GPM6B: variants seen among roughly 807,000 people sequenced by gnomAD.
The protein encoded by GPM6B is glycoprotein M6B.
GPM6B carries 4 observed loss-of-function variants against 27.2 expected under a neutral mutation model. The observed-to-expected ratio is 0.15, with a 90% confidence interval of 0.07 to 0.34. GPM6B has a LOEUF of 0.34. Among genes scored for constraint, GPM6B ranks in the 10% least tolerant of loss-of-function variants. The pLI is 1.00. For missense variants in GPM6B, 183 were observed against 261.9 expected (o/e 0.70, Z 2.08); for synonymous variants, 124 against 103.1 (o/e 1.20, Z -1.23).
At chrX:13,873,518 C>T (rs191958723) in intron 1 of GPM6B, among the ~76,000 whole-genome samples, 162 of 112,010 alleles carry the variant, frequency 1.4e-3, no homozygotes, top group African/African-American at 5.0e-3. Flanking sequence ...GGTGAATAGA[C>T]TAAATGTCAC....
chrX:13,895,774 T>C (rs1415581974), intron 1 of GPM6B, among the ~76,000 whole-genome samples: 2 of 110,676 alleles, frequency 1.8e-5, no homozygotes, highest in East Asian at 2.8e-4. Context: ...GAGATCTAGG[T>C]GTCTGGTTCT....
intron 3 of GPM6B, among the ~76,000 whole-genome samples, chrX:13,785,095 C>T (rs1210251575): frequency 9.0e-6 from 1 of 111,540 alleles, no homozygotes; most frequent in Non-Finnish European, 1.9e-5. Flanking sequence ...GTGCACCTTA[C>T]CATTCCCAAG....
chrX:13,909,418 G>A (rs1288321126), intron 1 of GPM6B, among the ~76,000 whole-genome samples: 3 of 111,004 alleles, frequency 2.7e-5, no homozygotes, highest in East Asian at 2.8e-4. Flanking sequence ...GTGAGCCACC[G>A]TGCTCAGCCA....
intron 1 of GPM6B, among the ~76,000 whole-genome samples, chrX:13,898,706 G>T (rs1470230925): frequency 1.6e-4 from 18 of 112,248 alleles, no homozygotes; most frequent in Non-Finnish European, 1.3e-4. Flanking sequence ...ATTTATGTTT[G>T]GTTTGATGTG....
chrX:13,812,044 CTTTCTTTTTTTTT>C (rs368348958), intron 1 of GPM6B, among the ~76,000 whole-genome samples: 1,457 of 82,639 alleles, frequency 0.018, 33 homozygotes, highest in African/African-American at 0.066. Context: ...CTTTTCTTTT[CTTTCTTTTTTTTT>C]TTTTTTTTTT....
At chrX:13,797,285 C>G (rs138579253) in intron 2 of GPM6B, among the ~76,000 whole-genome samples, 1,492 of 111,027 alleles carry the variant, frequency 0.013, 28 homozygotes, top group African/African-American at 0.045. Context: ...TAAGGTATCA[C>G]TAAAGTAGAA....
chrX:13,930,648 C>G (rs769239193), intron 1 of GPM6B, among the ~76,000 whole-genome samples: 3 of 111,185 alleles, frequency 2.7e-5, no homozygotes, highest in East Asian at 5.6e-4. Flanking sequence ...GGGAACATCA[C>G]TACAGATACT....
intron 1 of GPM6B, among the ~76,000 whole-genome samples, chrX:13,848,625 G>A (rs1569257362): frequency 8.9e-6 from 1 of 112,224 alleles, no homozygotes; most frequent in African/African-American, 3.2e-5. Flanking sequence ...GTGAGGATGT[G>A]GAAAACCAGG....
At chrX:13,894,339 G>GA (rs1202995655) in intron 1 of GPM6B, among the ~76,000 whole-genome samples, 1 of 111,612 alleles carries the variant, frequency 9.0e-6, no homozygotes, top group Non-Finnish European at 1.9e-5. Context: ...TCGAAGACTT[G>GA]AAAAAAACTA....
At position 13,892,113 on chromosome X, in the gene GPM6B, G is replaced by A. The variant is rs957500365; in HGVS notation, c.-198+46214C>T. On this transcript the variant is annotated intron_variant, in intron 1 of 6. Transcript: ENST00000398361. ...TTCAGGGCCAGAAAAATGAACATTT[G>A]AACCTCCTGTCCAGCATAGCTCTTG... 8.9e-4 allele frequency among the ~76,000 whole-genome samples: 99 copies of A among 111,628 alleles called. 1 individual carries two copies. Among genetic ancestry groups the A allele is most frequent in the African/African-American group, 2.9e-3 (89 of 30,714 alleles).
chrX:13,792,083 A>AAG (rs1423838859), intron 2 of GPM6B, among the ~76,000 whole-genome samples: 4 of 112,263 alleles, frequency 3.6e-5, no homozygotes, highest in African/African-American at 1.3e-4. Flanking sequence ...GAGGGCGAAA[A>AAG]TCCTAAGAGA....
intron 1 of GPM6B, among the ~76,000 whole-genome samples, chrX:13,935,335 C>CAAAAAA (rs60400361): frequency 0.022 from 924 of 42,634 alleles, 29 homozygotes; most frequent in Admixed American, 0.032. Context: ...CCTATCTCTA[C>CAAAAAA]AAAAAAAAAA....
At chrX:13,819,276 C>G (rs369743728), upstream of GPM6B, among the ~76,000 whole-genome samples, 1 of 112,348 alleles carries the variant, frequency 8.9e-6, no homozygotes, top group African/African-American at 3.2e-5. Context: ...CACTTTATAA[C>G]AGCCTCAAGA....
chrX:13,844,950 G>A (rs191298942), intron 1 of GPM6B, among the ~76,000 whole-genome samples: 13 of 110,874 alleles, frequency 1.2e-4, no homozygotes, highest in Non-Finnish European at 2.1e-4. Flanking sequence ...ATATGTGCCA[G>A]AATGTTTCTT....
chrX:13,816,728 C>T, intron 1 of GPM6B, 116 bp downstream of exon 1: 3 of 878,121 alleles, frequency 3.4e-6, no homozygotes, highest in South Asian at 2.0e-5. Context: ...AAAGCAAGAC[C>T]ATGCCATAGG....
chrX:13,844,694 A>G (rs2049622785), intron 1 of GPM6B, among the ~76,000 whole-genome samples: 1 of 111,902 alleles, frequency 8.9e-6, no homozygotes, highest in Admixed American at 9.4e-5. Context: ...AAACTTCAGT[A>G]AGACAAAATA....
upstream of GPM6B, among the ~76,000 whole-genome samples, chrX:13,820,474 A>C (rs747624764): frequency 2.7e-5 from 3 of 111,033 alleles, no homozygotes; most frequent in East Asian, 8.5e-4. Flanking sequence ...GCAGGGACTA[A>C]GAGGCATTCA....
At chrX:13,888,600 C>T (rs1335544070) in intron 1 of GPM6B, among the ~76,000 whole-genome samples, 1 of 112,031 alleles carries the variant, frequency 8.9e-6, no homozygotes, top group Non-Finnish European at 1.9e-5. Flanking sequence ...TTTTATTTTT[C>T]TTCTGCATGA....
At chrX:13,838,830 C>G (rs1356091562) in intron 1 of GPM6B, among the ~76,000 whole-genome samples, 1 of 111,678 alleles carries the variant, frequency 9.0e-6, no homozygotes, top group African/African-American at 3.3e-5. Flanking sequence ...CCCTCTCCCT[C>G]AGGCCTAGGT....
Sources: allele counts gnomAD v4.1 joint callset (sites outside exome capture counted in the v4.1 genomes callset), GRCh38; gene constraint gnomAD v4.1.1; transcripts MANE v1.5; gene names NCBI Gene and HGNC (gene_info 2026-07-23, HGNC 2026-07-21).